The following LIF variants were observed in gnomAD, a reference collection of about 807,000 sequenced individuals.
LIF encodes the protein leukemia inhibitory factor.
A neutral mutation model predicts 15.0 loss-of-function variants in LIF; 9 were observed. The ratio of observed to expected loss-of-function variants is 0.60; its 90% CI spans 0.36 to 1.04. The LOEUF is 1.04. Ranked by LOEUF, LIF falls within the 50% of genes least tolerant of loss-of-function variation. LIF has a pLI of 0.01. For synonymous variants in LIF, 122 were observed against 119.7 expected, an observed-to-expected ratio of 1.02 and a Z score of -0.13; for missense variants, 240 against 266.7, an observed-to-expected ratio of 0.90 and a Z score of 0.70.
chr22:30,246,267 C>T (rs1928886023), intron 1 of LIF: 1 of 217,724 alleles, frequency 4.6e-6, no homozygotes, highest in South Asian at 1.6e-4. Flanking sequence ...CGCGCCCCTC[C>T]CTGGGAGCAG....
intron 2 of LIF, 100 bp from the exon 3 acceptor site, chr22:30,244,161 C>A: frequency 4.3e-6 from 5 of 1,155,012 alleles, no homozygotes; most frequent in Admixed American, 4.6e-5. Flanking sequence ...CCCCATCTAG[C>A]GCATGAGGAC....
In LIF at chr22:30,242,602, G is replaced by A. The variant is rs1166747340; in HGVS notation, c.*1049C>T. ...ATCATAATAAATAGAAATCATGCCA[G>A]GTCAGACGCACAGCACGCTTGGAGC... On this transcript the variant is annotated 3_prime_UTR_variant, in exon 3 of 3. Transcript: ENST00000249075. The A allele has an allele frequency of 6.6e-6, 1 of 152,638 alleles. No homozygotes were observed. Among genetic ancestry groups the A allele is most frequent in the Non-Finnish European group, 1.5e-5 (1 of 68,014 alleles). The allele number at this position is 152,638 out of a possible 1,614,324, so 9.5% of individuals were successfully genotyped here. A position where few individuals can be genotyped will look rare whatever the true frequency, so the allele number is the denominator to read the frequency against.
intron 1 of LIF, among the ~76,000 whole-genome samples, chr22:30,245,759 G>C (rs886188400): frequency 3.3e-5 from 5 of 152,082 alleles, no homozygotes; most frequent in African/African-American, 4.8e-5. Context: ...CACACACACC[G>C]GCTCAGGGAG....
rs1470634291 is a variant in LIF, at chr22:30,246,660, G to C, written c.19+17C>G. 4 of 1,553,330 alleles carry C rather than the reference G, an allele frequency of 2.6e-6. No homozygotes were observed. Among genetic ancestry groups the C allele is most frequent in the South Asian group, 1.2e-5 (1 of 84,418 alleles). On this transcript the variant is annotated intron_variant, in intron 1 of 2. Coordinates refer to ENST00000249075, the MANE Select transcript of LIF (RefSeq NM_002309.5). ...CGCAGCGGGGACGCGAAGCCGGCGC[G>C]GGGCGGGTGTATTTACCTGCCGCCA...
chr22:30,243,168 AG>A lies in LIF; in HGVS notation c.*482del. The A allele has an allele frequency of 4.9e-6, 1 of 202,492 alleles. No individual in the cohort carries two copies. The highest frequency in any genetic ancestry group is 1.0e-5 in the Non-Finnish European group (1 of 97,374). 12.5% of individuals were successfully genotyped at this position (202,492 alleles called of 1,614,324 possible). On this transcript the variant is annotated 3_prime_UTR_variant, in exon 3 of 3. Coordinates refer to ENST00000249075, the MANE Select transcript of LIF (RefSeq NM_002309.5). This position sits in a 1 kb window ranked among gnomAD's most constrained non-coding sequence, Gnocchi z 6.0. ...TCTATCTTCCACTCATCAAACTTCT[AG>A]GGGACAAGGAGTCCTTTGGGATCCT...
Position 30,243,378 on chromosome 22 carries a change from A to G in LIF, c.*273T>C, listed in dbSNP as rs1928742148. ...AGCAAGGGGCCAAAGGGACAAGTAGAGGCAGAAGTCCAGCCCACGCTCCCC... is the reference window on the plus strand; with the variant it reads ...AGCAAGGGGCCAAAGGGACAAGTAGGGGCAGAAGTCCAGCCCACGCTCCCC... On this transcript the variant is annotated 3_prime_UTR_variant, in exon 3 of 3. Transcript: ENST00000249075. The surrounding 1 kb of genome is among the most constrained non-coding windows in gnomAD (Gnocchi z 6.0). The G allele has an allele frequency of 3.6e-6, 2 of 555,304 alleles. No individual in the cohort carries two copies. Among genetic ancestry groups the G allele is most frequent in the Admixed American group, 3.1e-5 (1 of 32,468 alleles). 34.4% of individuals were successfully genotyped at this position (555,304 alleles called of 1,614,324 possible). A position where few individuals can be genotyped will look rare whatever the true frequency, so the allele number is the denominator to read the frequency against.
rs141969353 is a variant in LIF at position 30,242,748 on chromosome 22, G to A, written c.*903C>T. On this transcript the variant is annotated 3_prime_UTR_variant, in exon 3 of 3. Transcript: ENST00000249075. ...CCTCACAAGGCCTCCCAGGGCCTCA[G>A]ATGTGAGCTGCTACTCTGAGCTACC... 2.4e-3 allele frequency: 360 copies of A among 152,730 alleles called. 1 individual carries two copies. The highest frequency in any genetic ancestry group is 3.7e-3 in the Non-Finnish European group (250 of 68,034). The allele number at this position is 152,730 out of a possible 1,614,324, so 9.5% of individuals were successfully genotyped here. A position where few individuals can be genotyped will look rare whatever the true frequency, so the allele number is the denominator to read the frequency against.
rs1173625425 is a variant in LIF, at chr22:30,241,580, T to C, written c.*2071A>G. On this transcript the variant is annotated 3_prime_UTR_variant, in exon 3 of 3. Transcript: ENST00000249075. This position sits in a 1 kb window ranked among gnomAD's most constrained non-coding sequence, Gnocchi z 4.4. ...CTGCCCACGCGCCATCCAGGTAAAG[T>C]GCTTAGAGAGCGACAGGGAAAGGTG... The C allele has an allele frequency of 1.3e-5, 2 of 152,826 alleles. No homozygotes were observed. The highest frequency in any genetic ancestry group is 2.9e-5 in the Non-Finnish European group (2 of 68,128). 9.5% of individuals were successfully genotyped at this position (152,826 alleles called of 1,614,324 possible).
chr22:30,245,809 G>A (rs970892017), intron 1 of LIF, among the ~76,000 whole-genome samples: 3 of 152,212 alleles, frequency 2.0e-5, no homozygotes, highest in Non-Finnish European at 4.4e-5. Context: ...AAAGGCAAAA[G>A]GTCATAGGCA....
chr22:30,246,292 T>G, intron 1 of LIF: 5 of 290,224 alleles, frequency 1.7e-5, no homozygotes, highest in Non-Finnish European at 1.6e-5. Flanking sequence ...GGACCGCGGT[T>G]GGAAAGGAGA....
At chr22:30,246,395 G>A in intron 1 of LIF, 1 of 500,940 alleles carries the variant, frequency 2.0e-6, no homozygotes, top group Non-Finnish European at 2.7e-6. Context: ...TGTCCGGAGC[G>A]AGGAGGAGGA....
intron 2 of LIF, 64 bp downstream of exon 2, chr22:30,244,691 C>G: frequency 1.3e-6 from 2 of 1,481,642 alleles, no homozygotes; most frequent in Non-Finnish European, 1.9e-6. Flanking sequence ...ATCAGGACAG[C>G]CCCTAATGAT....
At chr22:30,246,308 GAAA>G in intron 1 of LIF, 1 of 353,546 alleles carries the variant, frequency 2.8e-6, no homozygotes, top group South Asian at 1.1e-4. Flanking sequence ...GGAGAAAGCG[GAAA>G]GAAAGAAAGA....
In LIF at chr22:30,240,456, G is replaced by C. The variant is rs1928622757; in HGVS notation, c.*3195C>G. The stretch of plus-strand genomic sequence containing the variant: ...CAGTACACTCCGGAGAGCCAGCCAA[G>C]AGTAGATTCTTTATTCATTTCTCTT... On this transcript the variant is annotated 3_prime_UTR_variant, in exon 3 of 3. Transcript: ENST00000249075. 6.6e-6 allele frequency: 1 copy of C among 151,458 alleles called. No homozygotes were observed. Among genetic ancestry groups the C allele is most frequent in the Non-Finnish European group, 1.5e-5 (1 of 67,954 alleles). 9.4% of individuals were successfully genotyped at this position (151,458 alleles called of 1,614,324 possible). A position where few individuals can be genotyped will look rare whatever the true frequency, so the allele number is the denominator to read the frequency against.
In LIF at chr22:30,243,603, C is replaced by A; in HGVS notation, c.*48G>T. The A allele has an allele frequency of 6.2e-7, 1 of 1,612,914 alleles. No individual in the cohort carries two copies. Among genetic ancestry groups the A allele is most frequent in the Non-Finnish European group, 8.5e-7 (1 of 1,179,568 alleles). The stretch of plus-strand genomic sequence containing the variant: ...CCTTGGACAGGCCCCCACATCTGGA[C>A]CCAACTCCTGAGATCCCTCGGTTCA... On this transcript the variant is annotated 3_prime_UTR_variant, in exon 3 of 3. Transcript: ENST00000249075. The surrounding 1 kb of genome is among the most constrained non-coding windows in gnomAD (Gnocchi z 6.0).
rs901971251 is a variant in LIF, at chr22:30,246,494, C to G, written c.19+183G>C. On this transcript the variant is annotated intron_variant, in intron 1 of 2. Transcript: ENST00000249075. ...CCAACCTGCCGCGGGGCGTGCGGTGCTTGGGACCATGTGCCCGCGCTCGCT... is the reference window on the plus strand; with the variant it reads ...CCAACCTGCCGCGGGGCGTGCGGTGGTTGGGACCATGTGCCCGCGCTCGCT... 3 of 1,277,600 alleles carry G rather than the reference C, an allele frequency of 2.3e-6. No homozygotes were observed. In the African/African-American group the frequency reaches 4.8e-5, roughly 20 times the overall value. The allele number at this position is 1,277,600 out of a possible 1,614,324, so 79.1% of individuals were successfully genotyped here.
intron 1 of LIF, among the ~76,000 whole-genome samples, chr22:30,245,962 G>A (rs972330123): frequency 6.6e-6 from 1 of 152,212 alleles, no homozygotes; most frequent in African/African-American, 2.4e-5. Flanking sequence ...CCAGGGCTCT[G>A]CAGAAGGGCA....
Position 30,243,034 on chromosome 22 carries a change from G to A in LIF, c.*617C>T, listed in dbSNP as rs748650862. Reference sequence around the variant, plus strand: ...AGGTGGCTTCTCTGCCTCCCCAAGAGCCTGAATGCCAAGTGACCTCCTTCT... The same window carrying A: ...AGGTGGCTTCTCTGCCTCCCCAAGAACCTGAATGCCAAGTGACCTCCTTCT... On this transcript the variant is annotated 3_prime_UTR_variant, in exon 3 of 3. Transcript: ENST00000249075. The surrounding 1 kb of genome is among the most constrained non-coding windows in gnomAD (Gnocchi z 6.0). 6.3e-5 allele frequency: 10 copies of A among 159,748 alleles called. No homozygotes were observed. Among genetic ancestry groups the A allele is most frequent in the Non-Finnish European group, 1.1e-4 (8 of 72,080 alleles). The allele number at this position is 159,748 out of a possible 1,614,324, so 9.9% of individuals were successfully genotyped here.
intron 1 of LIF, among the ~76,000 whole-genome samples, chr22:30,245,813 A>G (rs1004222080): frequency 2.6e-5 from 4 of 152,200 alleles, no homozygotes; most frequent in Non-Finnish European, 5.9e-5. Context: ...GCAAAAGGTC[A>G]TAGGCAGTCG....
Sources: gnomAD v4.1 joint callset for allele counts (sites outside exome capture counted in the v4.1 genomes callset) on GRCh38, gnomAD v4.1.1 for gene constraint, Gnocchi (gnomAD v3.1) non-coding constraint, MANE v1.5 for transcripts, NCBI Gene and HGNC (gene_info 2026-07-23, HGNC 2026-07-21) for gene names.